Variants in FAF1 observed in about 807,000 individuals in gnomAD.
The protein encoded by FAF1 is FAS-associated factor 1.
FAF1 carries 25 observed loss-of-function variants against 92.5 expected under a neutral mutation model. The ratio of observed to expected loss-of-function variants is 0.27; its 90% CI spans 0.20 to 0.38. The LOEUF (loss-of-function observed/expected upper bound fraction) is 0.38. FAF1 is among the 10% of genes least tolerant of loss of function. The probability of loss-of-function intolerance (pLI) is 1.00; values close to 1 mark genes in which losing one functional copy is unlikely to be tolerated. For synonymous variants in FAF1, 234 were observed against 273.2 expected (o/e 0.86, Z 1.42); for missense variants, 636 against 793.3 (o/e 0.80, Z 2.38).
intron 1 of FAF1, among the ~76,000 whole-genome samples, chr1:50,871,028 A>G (rs1241108717): frequency 6.6e-6 from 1 of 152,268 alleles, no homozygotes; most frequent in South Asian, 2.1e-4. Context: ...ATAAGAAAGC[A>G]GAACAGCCTT....
chr1:50,669,292 T>TA (rs934851377), intron 7 of FAF1, among the ~76,000 whole-genome samples: 47 of 150,298 alleles, frequency 3.1e-4, no homozygotes, highest in East Asian at 7.8e-4. Flanking sequence ...GAGGCTTCCA[T>TA]AAAAAAAAAG....
At chr1:50,449,078 C>T (rs1646263135) in intron 18 of FAF1, among the ~76,000 whole-genome samples, 1 of 151,870 alleles carries the variant, frequency 6.6e-6, no homozygotes, top group South Asian at 2.1e-4. Flanking sequence ...TAAAGAGATG[C>T]TTCTTTAAAG....
chr1:50,944,891 T>G (rs1342079496), intron 1 of FAF1, among the ~76,000 whole-genome samples: 1 of 152,038 alleles, frequency 6.6e-6, no homozygotes, highest in African/African-American at 2.4e-5. Flanking sequence ...CTATATAACC[T>G]CCCACCCCTT....
chr1:50,886,109 T>C (rs542736413), intron 1 of FAF1, among the ~76,000 whole-genome samples: 25 of 152,296 alleles, frequency 1.6e-4, no homozygotes, highest in South Asian at 6.2e-4. Context: ...TTGAGAATGG[T>C]TTACACACCA....
Position 50,801,690 on chromosome 1 carries a change from A to T in FAF1, c.115-13T>A, listed in dbSNP as rs1162235645. 6.4e-7 allele frequency: 1 copy of T among 1,560,612 alleles called. No individual in the cohort carries two copies. The highest frequency in any genetic ancestry group is 8.8e-7 in the Non-Finnish European group (1 of 1,132,064). On this transcript the variant is annotated splice_polypyrimidine_tract_variant and intron_variant, in intron 2 of 18. Transcript: ENST00000396153. The stretch of plus-strand genomic sequence containing the variant: ...CATTGATAGCTGCCTGCAAACAAGA[A>T]ACAGAGAAGGCCATTTAAAGAAACA...
chr1:50,585,280 C>A (rs947172204), intron 9 of FAF1, among the ~76,000 whole-genome samples: 1 of 152,192 alleles, frequency 6.6e-6, no homozygotes, highest in Non-Finnish European at 1.5e-5. Flanking sequence ...ATATGGTACA[C>A]TATCCTCACA....
In FAF1 at chr1:50,572,672, A is replaced by G. The variant is rs542610686; in HGVS notation, c.1114-5441T>C. ...CATTGCCCTGCTATGTGACCTTGGGAAAGTCACTACACTTTTGTGCTTGGG... is the reference window on the plus strand; with the variant it reads ...CATTGCCCTGCTATGTGACCTTGGGGAAGTCACTACACTTTTGTGCTTGGG... On this transcript the variant is annotated intron_variant, in intron 12 of 18. Coordinates refer to ENST00000396153, the MANE Select transcript of FAF1 (RefSeq NM_007051.3). 2.2e-4 allele frequency among the ~76,000 whole-genome samples: 34 copies of G among 152,282 alleles called. 1 individual carries two copies. The highest frequency in any genetic ancestry group is 7.5e-4 in the African/African-American group (31 of 41,560).
chr1:50,564,446 T>C (rs1310307187), intron 13 of FAF1, among the ~76,000 whole-genome samples: 1 of 152,174 alleles, frequency 6.6e-6, no homozygotes, highest in Non-Finnish European at 1.5e-5. Flanking sequence ...AAATCTCTTC[T>C]GTATTTCCAT....
intron 4 of FAF1, among the ~76,000 whole-genome samples, chr1:50,746,145 T>C (rs1659575809): frequency 6.6e-6 from 1 of 150,398 alleles, no homozygotes; most frequent in African/African-American, 2.5e-5. Flanking sequence ...TTAGGATAAC[T>C]GGAGGAAGAA....
intron 1 of FAF1, among the ~76,000 whole-genome samples, chr1:50,931,251 T>C (rs1415354559): frequency 6.6e-6 from 1 of 152,242 alleles, no homozygotes; most frequent in Non-Finnish European, 1.5e-5. Context: ...TTTCAATCTG[T>C]TCCAATTGTT....
chr1:50,504,005 T>TAACCATG (rs1647024408), intron 15 of FAF1, among the ~76,000 whole-genome samples: 2 of 152,178 alleles, frequency 1.3e-5, no homozygotes, highest in African/African-American at 4.8e-5. Flanking sequence ...ACTTGTCAAA[T>TAACCATG]TATATACTTT....
intron 15 of FAF1, among the ~76,000 whole-genome samples, chr1:50,498,593 T>A (rs1291938418): frequency 6.6e-6 from 1 of 152,172 alleles, no homozygotes; most frequent in Admixed American, 6.5e-5. Flanking sequence ...GGGACAACTG[T>A]AATCCCAGCA....
intron 1 of FAF1, among the ~76,000 whole-genome samples, chr1:50,884,867 T>C (rs1171527970): frequency 6.6e-6 from 1 of 152,190 alleles, no homozygotes; most frequent in Non-Finnish European, 1.5e-5. Context: ...TTTATGTATA[T>C]AGTAGAATTT....
intron 8 of FAF1, among the ~76,000 whole-genome samples, chr1:50,624,551 A>G (rs571937831): frequency 1.3e-5 from 2 of 152,358 alleles, no homozygotes; most frequent in East Asian, 1.9e-4. Context: ...CCTTTGCCTG[A>G]TTAAGCAGAT....
chr1:50,501,006 C>T (rs1408541219), intron 15 of FAF1, among the ~76,000 whole-genome samples: 3 of 151,998 alleles, frequency 2.0e-5, no homozygotes, highest in African/African-American at 7.2e-5. Flanking sequence ...ATATTATGTT[C>T]CCTCAATAAA....
intron 15 of FAF1, among the ~76,000 whole-genome samples, chr1:50,511,262 T>C (rs2149023627): frequency 6.6e-6 from 1 of 152,290 alleles, no homozygotes; most frequent in Admixed American, 6.5e-5. Flanking sequence ...GTTCTGAGAT[T>C]TTATTATTAT....
intron 4 of FAF1, among the ~76,000 whole-genome samples, chr1:50,756,398 C>T (rs1660074465): frequency 6.8e-6 from 1 of 146,962 alleles, no homozygotes; most frequent in South Asian, 2.1e-4. Context: ...ACCACCTAAG[C>T]CTGAACTTTA....
intron 1 of FAF1, among the ~76,000 whole-genome samples, chr1:50,864,518 C>T (rs1364765621): frequency 1.3e-5 from 2 of 150,906 alleles, no homozygotes; most frequent in African/African-American, 4.9e-5. Context: ...CAGAACAGAG[C>T]CCTCAGAAAT....
chr1:50,477,765 A>G (rs1253924778), intron 17 of FAF1, among the ~76,000 whole-genome samples: 1 of 152,256 alleles, frequency 6.6e-6, no homozygotes, highest in African/African-American at 2.4e-5. Context: ...CAAGCTCCAT[A>G]ATGGCATGGG....
Sources: allele counts gnomAD v4.1 joint callset (sites outside exome capture counted in the v4.1 genomes callset), GRCh38; gene constraint gnomAD v4.1.1; transcripts MANE v1.5; gene names NCBI Gene and HGNC (gene_info 2026-07-23, HGNC 2026-07-21).